The following PDE4D variants were observed in gnomAD, a reference collection of about 807,000 sequenced individuals.
The protein encoded by PDE4D is phosphodiesterase 4D.
Under a neutral mutation model 87.4 loss-of-function variants are expected in PDE4D, and 24 were observed. The ratio of observed to expected loss-of-function variants is 0.27; its 90% CI spans 0.20 to 0.39. The LOEUF is 0.39. PDE4D is among the 10% of genes least tolerant of loss of function. The probability of loss-of-function intolerance (pLI) is 1.00; values close to 1 mark genes in which losing one functional copy is unlikely to be tolerated. For missense variants in PDE4D, 714 were observed against 1,041.0 expected, an observed-to-expected ratio of 0.69 and a Z score of 4.32; for synonymous variants, 384 against 383.2, an observed-to-expected ratio of 1.00 and a Z score of -0.02.
chr5:59,593,818 G>A (rs542719012), intron 1 of PDE4D, among the ~76,000 whole-genome samples: 13 of 152,324 alleles, frequency 8.5e-5, no homozygotes, highest in African/African-American at 3.1e-4. Flanking sequence ...GTAATAGGGA[G>A]GTCCCCACAA....
chr5:59,590,590 C>G (rs376233910), intron 1 of PDE4D, among the ~76,000 whole-genome samples: 15 of 152,138 alleles, frequency 9.9e-5, no homozygotes, highest in East Asian at 9.6e-4. Context: ...TTTATCAATA[C>G]AGGAGTGCGA....
At chr5:58,984,614 GAAAT>G (rs777447317) in intron 11 of PDE4D, among the ~76,000 whole-genome samples, 79 of 152,154 alleles carry the variant, frequency 5.2e-4, no homozygotes, top group Non-Finnish European at 8.4e-4. Context: ...TAAAAGTAGA[GAAAT>G]AAAAAAGTGT....
intron 1 of PDE4D, among the ~76,000 whole-genome samples, chr5:59,662,800 C>T (rs1461046202): frequency 1.3e-5 from 2 of 152,006 alleles, no homozygotes; most frequent in Non-Finnish European, 1.5e-5. Context: ...GGTGAGAGTC[C>T]TAGATTCCAG....
At chr5:59,689,727 C>T (rs1239598632) in intron 1 of PDE4D, among the ~76,000 whole-genome samples, 2 of 152,118 alleles carry the variant, frequency 1.3e-5, no homozygotes, top group African/African-American at 2.4e-5. Context: ...CCAGGGCAAT[C>T]AGGCAGGAGA....
chr5:60,096,072 T>G (rs4700362), intron 2 of PDE4D, among the ~76,000 whole-genome samples: 45,435 of 152,038 alleles, frequency 0.3, 7,510 homozygotes, highest in East Asian at 0.74. Flanking sequence ...TACTTTCTTT[T>G]GCCGTGCAGA....
intron 1 of PDE4D, among the ~76,000 whole-genome samples, chr5:60,315,894 G>A (rs1261056016): frequency 2.0e-5 from 3 of 152,110 alleles, no homozygotes; most frequent in Non-Finnish European, 2.9e-5. Flanking sequence ...CTGTAGCCTT[G>A]TAGTATAGTT....
intron 2 of PDE4D, among the ~76,000 whole-genome samples, chr5:60,139,336 T>G (rs759563191): frequency 6.6e-6 from 1 of 152,130 alleles, no homozygotes; most frequent in Non-Finnish European, 1.5e-5. Flanking sequence ...AATGAACAAA[T>G]GATTAACTGT....
intron 2 of PDE4D, among the ~76,000 whole-genome samples, chr5:60,103,650 A>G (rs1776495653): frequency 6.6e-6 from 1 of 152,208 alleles, no homozygotes; most frequent in Non-Finnish European, 1.5e-5. Flanking sequence ...TAAACCGAAG[A>G]CAAAACAGAT....
intron 1 of PDE4D, among the ~76,000 whole-genome samples, chr5:59,767,902 G>A (rs147201166): frequency 1.3e-5 from 2 of 152,224 alleles, no homozygotes; most frequent in African/African-American, 4.8e-5. Flanking sequence ...TGGGGAAGCT[G>A]GCAGGGAAAT....
chr5:59,452,237 T>G (rs1394204694), intron 1 of PDE4D, among the ~76,000 whole-genome samples: 1 of 152,206 alleles, frequency 6.6e-6, no homozygotes, highest in East Asian at 1.9e-4. Context: ...AGCCTAAATT[T>G]TACTTTCTCA....
chr5:59,632,069 G>A (rs771034440), intron 1 of PDE4D, among the ~76,000 whole-genome samples: 15 of 152,062 alleles, frequency 9.9e-5, no homozygotes, highest in South Asian at 2.1e-4. Context: ...AGGGGTGTCC[G>A]CCATTACTGA....
chr5:59,487,993 TACACAGAG>T (rs1034784427), intron 1 of PDE4D, among the ~76,000 whole-genome samples: 72 of 152,202 alleles, frequency 4.7e-4, no homozygotes, highest in African/African-American at 1.6e-3. Flanking sequence ...ACACAGTGTG[TACACAGAG>T]ACACAGAGAC....
chr5:59,995,972 T>C (rs187920685), intron 2 of PDE4D, among the ~76,000 whole-genome samples: 37 of 152,360 alleles, frequency 2.4e-4, no homozygotes, highest in African/African-American at 8.4e-4. Flanking sequence ...TTGGTGTTAC[T>C]AGCAATGTAG....
intron 1 of PDE4D, among the ~76,000 whole-genome samples, chr5:59,216,403 T>C (rs1751274483): frequency 6.6e-6 from 1 of 152,136 alleles, no homozygotes; most frequent in Non-Finnish European, 1.5e-5. Flanking sequence ...ATAACATCCA[T>C]CCAAGCATTA....
chr5:60,022,152 A>G (rs1041364763), intron 2 of PDE4D, among the ~76,000 whole-genome samples: 6 of 150,096 alleles, frequency 4.0e-5, no homozygotes, highest in African/African-American at 1.5e-4. Context: ...AGAGAGCCAG[A>G]GTCTGGATAG....
At chr5:59,639,246 A>G (rs184513418) in intron 1 of PDE4D, among the ~76,000 whole-genome samples, 69 of 152,300 alleles carry the variant, frequency 4.5e-4, no homozygotes, top group Non-Finnish European at 8.7e-4. Context: ...ACTATAATAA[A>G]CAATATTGTG....
intron 5 of PDE4D, 99 bp from the exon 6 acceptor site, chr5:59,039,070 G>C (rs1295730595): frequency 1.3e-6 from 2 of 1,495,282 alleles, no homozygotes; most frequent in Admixed American, 2.2e-5. Context: ...CGCCATGCTC[G>C]GATGCCCGGT....
At chr5:60,034,813 G>A (rs1344212461) in intron 2 of PDE4D, among the ~76,000 whole-genome samples, 3 of 152,144 alleles carry the variant, frequency 2.0e-5, no homozygotes, top group African/African-American at 7.2e-5. Context: ...AATATTATGG[G>A]TGAGATTCAA....
intron 1 of PDE4D, among the ~76,000 whole-genome samples, chr5:59,801,699 T>C (rs551230376): frequency 3.9e-5 from 6 of 152,302 alleles, no homozygotes; most frequent in African/African-American, 1.4e-4. Context: ...GTATAATTAT[T>C]TTATAATGGA....
Sources: gnomAD v4.1 joint callset for allele counts (sites outside exome capture counted in the v4.1 genomes callset) on GRCh38, gnomAD v4.1.1 for gene constraint, MANE v1.5 for transcripts, NCBI Gene and HGNC (gene_info 2026-07-23, HGNC 2026-07-21) for gene names.